REPS2: variants seen among roughly 807,000 people sequenced by gnomAD.
REPS2 encodes RALBP1 associated Eps domain containing 2, also known as ralBP1-associated Eps domain-containing protein 2.
REPS2 carries 23 observed loss-of-function variants against 53.6 expected under a neutral mutation model. That is an observed-to-expected ratio of 0.43 (90% CI 0.31 to 0.61). The LOEUF is 0.61. Among genes scored for constraint, REPS2 ranks in the 20% least tolerant of loss-of-function variants. The pLI is 0.11. For missense variants in REPS2, 446 were observed against 534.9 expected, an observed-to-expected ratio of 0.83 and a Z score of 1.64; for synonymous variants, 238 against 218.6, an observed-to-expected ratio of 1.09 and a Z score of -0.78.
chrX:17,002,032 T>C (rs770503238), intron 1 of REPS2, among the ~76,000 whole-genome samples: 25 of 111,945 alleles, frequency 2.2e-4, no homozygotes, highest in Non-Finnish European at 4.1e-4. Flanking sequence ...AGCCAAACCA[T>C]ATCATGTTGT....
intron 13 of REPS2, among the ~76,000 whole-genome samples, chrX:17,097,293 A>G (rs931949466): frequency 8.9e-6 from 1 of 112,168 alleles, no homozygotes; most frequent in Admixed American, 9.4e-5. Flanking sequence ...TGACTTTTCA[A>G]TCAAATAAAC....
intron 1 of REPS2, among the ~76,000 whole-genome samples, chrX:16,964,479 T>A (rs2060707387): frequency 9.2e-6 from 1 of 108,923 alleles, no homozygotes; most frequent in African/African-American, 3.4e-5. Flanking sequence ...TTTCCCCACC[T>A]TTCCCCCCTT....
intron 13 of REPS2, among the ~76,000 whole-genome samples, chrX:17,078,085 A>C (rs2062405607): frequency 8.9e-6 from 1 of 112,305 alleles, no homozygotes; most frequent in Non-Finnish European, 1.9e-5. Context: ...TAAGGAACCT[A>C]AGGAATAGAA....
At position 17,130,726 on chromosome X, in the gene REPS2, C is replaced by G. The variant is rs749468949; in HGVS notation, c.1579-3098C>G. ...TGTCTTGAATGAGTAACACTCAGGC[C>G]TGAGAATACCTGAGACTGTATGGCA... is the stretch of plus-strand genomic sequence containing the variant. On this transcript the variant is annotated intron_variant, in intron 14 of 17. Coordinates refer to ENST00000357277, the MANE Select transcript of REPS2 (RefSeq NM_004726.3). Among the ~76,000 whole-genome samples the G allele has an allele frequency of 5.4e-3, 160 of 29,529 alleles. 1 individual carries two copies. The highest frequency in any genetic ancestry group is 0.012 in the Admixed American group (19 of 1,593). The allele number at this position is 29,529 out of a possible 115,157, so 25.6% of individuals were successfully genotyped here.
intron 1 of REPS2, among the ~76,000 whole-genome samples, chrX:16,995,151 C>T (rs1456630485): frequency 8.9e-6 from 1 of 112,330 alleles, no homozygotes; most frequent in Non-Finnish European, 1.9e-5. Context: ...TGCTCCCTCT[C>T]TCACAGATGT....
intron 14 of REPS2, among the ~76,000 whole-genome samples, chrX:17,114,942 A>G (rs1158326035): frequency 8.9e-6 from 1 of 111,990 alleles, no homozygotes; most frequent in Non-Finnish European, 1.9e-5. Context: ...CTGTCAATCT[A>G]TTTTTTATTC....
At chrX:16,959,078 A>T (rs1407778137) in intron 1 of REPS2, among the ~76,000 whole-genome samples, 3 of 111,782 alleles carry the variant, frequency 2.7e-5, no homozygotes, top group African/African-American at 6.5e-5. Context: ...TTGCATTTGG[A>T]TATGGAAGTA....
chrX:17,146,949 G>T (rs2063521780), intron 17 of REPS2, among the ~76,000 whole-genome samples: 1 of 112,070 alleles, frequency 8.9e-6, no homozygotes, highest in Non-Finnish European at 1.9e-5. Context: ...TGGTGGAGGG[G>T]CAACTAGCGT....
chrX:16,978,883 C>T (rs1269473812), intron 1 of REPS2, among the ~76,000 whole-genome samples: 1 of 111,064 alleles, frequency 9.0e-6, no homozygotes, highest in African/African-American at 3.3e-5. Context: ...AAAGCAATGT[C>T]GATTCTAACT....
chrX:17,029,395 A>G (rs2061681780), intron 4 of REPS2, 131 bp from the exon 5 acceptor site: 3 of 467,157 alleles, frequency 6.4e-6, no homozygotes, highest in Non-Finnish European at 1.1e-5. Context: ...TGTCAGTCCT[A>G]GATGGCCCTA....
chrX:17,102,082 T>TG (rs1161642755), intron 13 of REPS2, among the ~76,000 whole-genome samples: 3,966 of 30,030 alleles, frequency 0.13, 150 homozygotes, highest in African/African-American at 0.26. Flanking sequence ...TGTTATGTTA[T>TG]TTTATTTTAT....
Position 17,029,546 on chromosome X carries a change from C to A in REPS2, c.694C>A (p.Pro232Thr), listed in dbSNP as rs774474016. 8.3e-7 allele frequency: 1 copy of A among 1,208,790 alleles called. No homozygotes were observed. The highest frequency in any genetic ancestry group is 1.8e-5 in the South Asian group (1 of 56,909). ...TTCAGCACCTTATGAAGCTAGGCAG[C>A]CCCTTGTCCAGCCCGAGGGATCCTC... Reference protein sequence around the residue: ...MHPAPYEARQPLVQPEGSSSG... With the variant: ...MHPAPYEARQTLVQPEGSSSG... Residue 232 changes from proline to threonine, a missense_variant, in exon 5 of 18, where the codon CCC (proline) becomes ACC (threonine). Physicochemically the swap from Pro to Thr is conservative, Grantham distance 38. Coordinates refer to ENST00000357277, the MANE Select transcript of REPS2 (RefSeq NM_004726.3).
chrX:17,083,326 C>T (rs188258490), intron 13 of REPS2, among the ~76,000 whole-genome samples: 23 of 110,501 alleles, frequency 2.1e-4, no homozygotes, highest in Admixed American at 2.9e-4. Flanking sequence ...CCTCATGATC[C>T]ACCCGCCTCA....
At position 16,947,112 on chromosome X, in the gene REPS2, T is replaced by A; in HGVS notation, c.251T>A (p.Leu84Gln). ...GCTGACCTGTTTCGGGCATCGCAGCTGCCCGCCGAGACGCTGCACCAGGTG... is the reference window on the plus strand; with the variant it reads ...GCTGACCTGTTTCGGGCATCGCAGCAGCCCGCCGAGACGCTGCACCAGGTG... Reference protein sequence around the residue: ...PVADLFRASQLPAETLHQITE... With the variant: ...PVADLFRASQQPAETLHQITE... Residue 84 changes from leucine (L) to glutamine (Q), a missense_variant, in exon 1 of 18, where the codon CTG becomes CAG. By Grantham distance (113) the Leu-to-Gln change is moderately radical. Coordinates refer to ENST00000357277, the MANE Select transcript of REPS2 (RefSeq NM_004726.3). 1.8e-6 allele frequency: 2 copies of A among 1,094,469 alleles called. No homozygotes were observed. Among genetic ancestry groups the A allele is most frequent in the Admixed American group, 3.0e-5 (1 of 33,099 alleles). The allele number at this position is 1,094,469 out of a possible 1,213,427, so 90.2% of individuals were successfully genotyped here. A position where few individuals can be genotyped will look rare whatever the true frequency, so the allele number is the denominator to read the frequency against.
At chrX:17,088,587 C>A (rs2062572578) in intron 13 of REPS2, among the ~76,000 whole-genome samples, 1 of 105,299 alleles carries the variant, frequency 9.5e-6, no homozygotes, top group African/African-American at 3.6e-5. Context: ...ATCTTTCTTT[C>A]CTTTTTTTTT....
At chrX:17,093,178 A>G (rs950626517) in intron 13 of REPS2, among the ~76,000 whole-genome samples, 1 of 11,178 alleles carries the variant, frequency 8.9e-5, no homozygotes, top group South Asian at 5.7e-3. Flanking sequence ...ATATATATAT[A>G]TATATATATA....
chrX:17,029,742 T>C, intron 5 of REPS2, 119 bp downstream of exon 5: 1 of 459,692 alleles, frequency 2.2e-6, no homozygotes, highest in East Asian at 3.9e-5. Flanking sequence ...TGATCCTTCA[T>C]GCAAATATTG....
intron 1 of REPS2, among the ~76,000 whole-genome samples, chrX:16,982,118 G>T (rs1486268461): frequency 9.0e-6 from 1 of 111,467 alleles, no homozygotes; most frequent in Non-Finnish European, 1.9e-5. Flanking sequence ...GTTTTTTAAG[G>T]TCTACCTATA....
intron 1 of REPS2, among the ~76,000 whole-genome samples, chrX:16,964,732 G>C (rs747592768): frequency 9.7e-6 from 1 of 102,617 alleles, no homozygotes; most frequent in African/African-American, 3.5e-5. Flanking sequence ...CAGTAGGGGC[G>C]GCCGGGCAGA....
Sources: gnomAD v4.1 joint callset for allele counts (sites outside exome capture counted in the v4.1 genomes callset) on GRCh38, gnomAD v4.1.1 for gene constraint, MANE v1.5 for transcripts, NCBI Gene and HGNC (gene_info 2026-07-23, HGNC 2026-07-21) for gene names.